The following DOCK9 variants were observed in gnomAD, a reference collection of about 807,000 sequenced individuals.
The protein encoded by DOCK9 is dedicator of cytokinesis protein 9.
Under a neutral mutation model 263.3 loss-of-function variants are expected in DOCK9, and 89 were observed. The observed-to-expected ratio is 0.34, with a 90% CI of 0.28 to 0.40. The LOEUF (loss-of-function observed/expected upper bound fraction) is 0.40. Among genes scored for constraint, DOCK9 ranks in the 10% least tolerant of loss-of-function variants. The probability of loss-of-function intolerance (pLI) is 1.00; values close to 1 mark genes in which losing one functional copy is unlikely to be tolerated. For missense variants in DOCK9, 2,140 were observed against 2,603.4 expected (o/e 0.82, Z 3.87); for synonymous variants, 976 against 973.1 (o/e 1.00, Z -0.06).
intron 27 of DOCK9, among the ~76,000 whole-genome samples, chr13:98,877,481 G>T (rs2044050250): frequency 1.3e-5 from 2 of 152,218 alleles, no homozygotes; most frequent in South Asian, 4.2e-4. Flanking sequence ...CAGTCATAAG[G>T]CAGAAAAGCC....
chr13:98,944,070 T>C (rs1253468139), intron 2 of DOCK9, among the ~76,000 whole-genome samples: 10 of 152,306 alleles, frequency 6.6e-5, no homozygotes, highest in Non-Finnish European at 8.8e-5. Context: ...ATTCCACCAA[T>C]TGTAGAATTT....
At chr13:98,999,826 G>GT (rs1881921878) in intron 1 of DOCK9, among the ~76,000 whole-genome samples, 1 of 152,150 alleles carries the variant, frequency 6.6e-6, no homozygotes, top group African/African-American at 2.4e-5. Flanking sequence ...ACAGAAGCCT[G>GT]TATCCTTCTG....
chr13:98,881,315 A>G (rs574642573), intron 25 of DOCK9, among the ~76,000 whole-genome samples: 7 of 152,346 alleles, frequency 4.6e-5, no homozygotes, highest in Non-Finnish European at 8.8e-5. Context: ...ACATTGAGTC[A>G]TATTATTTGG....
At chr13:99,037,017 A>T (rs1887960578) in intron 1 of DOCK9, among the ~76,000 whole-genome samples, 2 of 152,094 alleles carry the variant, frequency 1.3e-5, no homozygotes, top group South Asian at 4.1e-4. Context: ...TAGAGCTCAG[A>T]CTCTGATGGA....
chr13:98,993,079 G>A (rs926653562), intron 1 of DOCK9, among the ~76,000 whole-genome samples: 7 of 152,226 alleles, frequency 4.6e-5, no homozygotes, highest in African/African-American at 1.7e-4. Context: ...GAAGACAGCT[G>A]CAGTCTTAGT....
intron 1 of DOCK9, among the ~76,000 whole-genome samples, chr13:99,008,004 T>C (rs958935227): frequency 6.6e-6 from 1 of 152,076 alleles, no homozygotes; most frequent in Non-Finnish European, 1.5e-5. Flanking sequence ...AACAATTGTA[T>C]AAATGTTTAA....
At chr13:98,930,858 G>A (rs2140291542) in intron 2 of DOCK9, among the ~76,000 whole-genome samples, 1 of 152,250 alleles carries the variant, frequency 6.6e-6, no homozygotes, top group South Asian at 2.1e-4. Flanking sequence ...TGATCAGGCT[G>A]GTCTCGAACT....
At chr13:99,008,234 A>ATATTT (rs1233268084) in intron 1 of DOCK9, among the ~76,000 whole-genome samples, 1,682 of 93,480 alleles carry the variant, frequency 0.018, 26 homozygotes, top group Admixed American at 0.023. Context: ...ATATATATAT[A>ATATTT]TTTTTTTTTT....
intron 1 of DOCK9, among the ~76,000 whole-genome samples, chr13:99,033,075 T>C (rs1285235376): frequency 1.3e-5 from 2 of 152,210 alleles, no homozygotes; most frequent in Non-Finnish European, 2.9e-5. Context: ...CTAGGACATA[T>C]GATGTTTTAA....
chr13:99,057,852 T>C (rs2040996656), intron 1 of DOCK9, among the ~76,000 whole-genome samples: 1 of 152,234 alleles, frequency 6.6e-6, no homozygotes. Flanking sequence ...TTGAACATAC[T>C]GTCATTCCCA....
chr13:99,085,852 ACGGGGGAGGGATG>A (rs1260418801), intron 1 of DOCK9, among the ~76,000 whole-genome samples: 1 of 122,086 alleles, frequency 8.2e-6, no homozygotes, highest in Admixed American at 8.5e-5. Context: ...GGGGAGGGAT[ACGGGGGAGGGATG>A]CGGGGGAGGG....
chr13:98,947,742 G>A (rs1215371664), intron 2 of DOCK9, among the ~76,000 whole-genome samples: 3 of 152,064 alleles, frequency 2.0e-5, no homozygotes, highest in Non-Finnish European at 4.4e-5. Context: ...CTGACCTCAG[G>A]TAATCTGCCC....
intron 39 of DOCK9, among the ~76,000 whole-genome samples, chr13:98,835,875 C>T (rs1286033924): frequency 1.3e-5 from 2 of 151,564 alleles, no homozygotes; most frequent in Non-Finnish European, 1.5e-5. Context: ...GTAGCTGGGA[C>T]TACAAGCGCA....
At chr13:99,039,005 C>G (rs1726971545) in intron 1 of DOCK9, among the ~76,000 whole-genome samples, 2 of 152,134 alleles carry the variant, frequency 1.3e-5, no homozygotes, top group African/African-American at 4.8e-5. Flanking sequence ...CTTTTTAATC[C>G]ACTTGATTTA....
chr13:98,880,090 C>T, intron 26 of DOCK9, 121 bp from the exon 27 acceptor site: 2 of 688,018 alleles, frequency 2.9e-6, no homozygotes, highest in Admixed American at 3.1e-5. Flanking sequence ...CACGGCTGCA[C>T]CTCTTGGCAC....
chr13:98,810,182 C>T lies in DOCK9; in HGVS notation c.5240G>A (p.Arg1747Gln), dbSNP rs559984159. 23 of 1,613,926 alleles carry T rather than the reference C, an allele frequency of 1.4e-5. 1 individual carries two copies. The highest frequency in any genetic ancestry group is 1.1e-4 in the African/African-American group (8 of 75,042). The change falls in exon 46 of 53, where the codon CGG becomes CAG. Residue 1747 changes from arginine (R) to glutamine (Q), a missense_variant. Arg to Gln is a conservative substitution (Grantham distance 43, BLOSUM62 1). This residue lies in a region of DOCK9 where 619 missense variants were observed against 861.8 expected (regional missense o/e 0.72). Transcript: ENST00000682017. Reference protein sequence around the residue: ...YKLIIPIYEKRRDFERLAHLY... With the variant: ...YKLIIPIYEKQRDFERLAHLY... The stretch of plus-strand genomic sequence containing the variant: ...GCACTCTCATACCTCAAAATCCCTC[C>T]GCTTCTCATAAATGGGGATGATAAG...
chr13:98,909,514 T>C (rs1391107581), intron 9 of DOCK9, among the ~76,000 whole-genome samples: 1 of 152,232 alleles, frequency 6.6e-6, no homozygotes, highest in African/African-American at 2.4e-5. Flanking sequence ...TGGGTTGGAA[T>C]AGGAGGACTT....
chr13:99,086,081 C>T (rs2087492923), intron 1 of DOCK9: 3 of 1,262,526 alleles, frequency 2.4e-6, no homozygotes, highest in Non-Finnish European at 3.0e-6. Flanking sequence ...TCCCTCCCGC[C>T]GGCCCCACCT....
intron 2 of DOCK9, among the ~76,000 whole-genome samples, chr13:98,942,241 T>TTTTTTG (rs2056030603): frequency 6.7e-6 from 1 of 149,166 alleles, no homozygotes; most frequent in African/African-American, 2.5e-5. Context: ...TGTTGTTTTT[T>TTTTTTG]TTTTTTGTTT....
Sources: gnomAD v4.1 joint callset for allele counts (sites outside exome capture counted in the v4.1 genomes callset) on GRCh38, gnomAD v4.1.1 for gene constraint, gnomAD v4.1.1 regional missense constraint, MANE v1.5 for transcripts, NCBI Gene and HGNC (gene_info 2026-07-23, HGNC 2026-07-21) for gene names.